STAU2: variants seen among roughly 807,000 people sequenced by gnomAD.
The protein encoded by STAU2 is staufen double-stranded RNA binding protein 2.
A neutral mutation model predicts 65.9 loss-of-function variants in STAU2; 20 were observed. The observed-to-expected ratio is 0.30, with a 90% CI of 0.21 to 0.44. STAU2 has a LOEUF of 0.44. Ranked by LOEUF, STAU2 falls within the 20% of genes least tolerant of loss-of-function variation. The probability of loss-of-function intolerance (pLI) is 1.00; values close to 1 mark genes in which losing one functional copy is unlikely to be tolerated. For missense variants in STAU2, 558 were observed against 683.9 expected, an observed-to-expected ratio of 0.82 and a Z score of 2.05; for synonymous variants, 232 against 233.9, an observed-to-expected ratio of 0.99 and a Z score of 0.07.
At position 73,483,233 on chromosome 8, in the gene STAU2, G is replaced by A. The variant is rs373530473; in HGVS notation, c.1531-60531C>T. 1.6e-4 allele frequency among the ~76,000 whole-genome samples: 24 copies of A among 152,064 alleles called. No homozygotes were observed. The East Asian group carries it at 3.1e-3, about 20-fold the overall frequency. On this transcript the variant is annotated intron_variant, in intron 13 of 14. Coordinates refer to ENST00000524300, the MANE Select transcript of STAU2 (RefSeq NM_001164380.2). The stretch of plus-strand genomic sequence containing the variant: ...AGGAATTTTAACAACATAACATTAA[G>A]GAGAAAAGAAGCTGTAAAATAAAAC...
chr8:73,624,778 A>G (rs1225985328), intron 6 of STAU2, among the ~76,000 whole-genome samples: 4 of 152,214 alleles, frequency 2.6e-5, no homozygotes, highest in Admixed American at 2.6e-4. Flanking sequence ...TGGGAATATC[A>G]AAGCAACTTA....
intron 6 of STAU2, among the ~76,000 whole-genome samples, chr8:73,667,634 G>A (rs373950446): frequency 5.9e-5 from 9 of 152,048 alleles, no homozygotes; most frequent in South Asian, 2.1e-4. Context: ...TAGCACCATC[G>A]GGGCACATCT....
At chr8:73,569,104 C>A (rs892171914) in intron 12 of STAU2, among the ~76,000 whole-genome samples, 1 of 152,216 alleles carries the variant, frequency 6.6e-6, no homozygotes, top group East Asian at 1.9e-4. Context: ...CAGGACACCG[C>A]CACCCTAATA....
At chr8:73,534,533 A>G (rs896327924) in intron 13 of STAU2, among the ~76,000 whole-genome samples, 1 of 152,252 alleles carries the variant, frequency 6.6e-6, no homozygotes, top group Non-Finnish European at 1.5e-5. Context: ...GAATTAATGT[A>G]TAAGTAAACA....
intron 3 of STAU2, among the ~76,000 whole-genome samples, chr8:73,728,431 T>C (rs951585806): frequency 2.9e-5 from 4 of 138,430 alleles, no homozygotes; most frequent in African/African-American, 5.5e-5. Flanking sequence ...TGCAATTCCA[T>C]ATGAATATGA....
At chr8:73,424,647 A>T (rs78731105) in intron 13 of STAU2, among the ~76,000 whole-genome samples, 1 of 152,058 alleles carries the variant, frequency 6.6e-6, no homozygotes, top group African/African-American at 2.4e-5. Context: ...TTTGGCAACT[A>T]TGAATAAAAC....
intron 9 of STAU2, among the ~76,000 whole-genome samples, chr8:73,611,654 T>G (rs1056484428): frequency 6.6e-6 from 1 of 150,416 alleles, no homozygotes; most frequent in African/African-American, 2.4e-5. Context: ...AACAGTTTAT[T>G]ATGATGATTA....
intron 4 of STAU2, among the ~76,000 whole-genome samples, chr8:73,689,164 G>A (rs1325941183): frequency 6.6e-6 from 1 of 152,152 alleles, no homozygotes; most frequent in African/African-American, 2.4e-5. Context: ...TGTAAGAGAA[G>A]CCAAAAGACC....
chr8:73,449,506 C>G (rs1487008197), intron 13 of STAU2, among the ~76,000 whole-genome samples: 1 of 152,088 alleles, frequency 6.6e-6, no homozygotes, highest in African/African-American at 2.4e-5. Context: ...GGGGTTAGGG[C>G]TTCAACGGAT....
At chr8:73,585,487 T>A (rs553562042) in intron 11 of STAU2, among the ~76,000 whole-genome samples, 1 of 152,204 alleles carries the variant, frequency 6.6e-6, no homozygotes, top group Non-Finnish European at 1.5e-5. Context: ...TCTCAAAACA[T>A]GTATATATTA....
At chr8:73,530,004 C>G (rs1165042358) in intron 13 of STAU2, among the ~76,000 whole-genome samples, 1 of 147,764 alleles carries the variant, frequency 6.8e-6, no homozygotes, top group Non-Finnish European at 1.5e-5. Flanking sequence ...ATTTCAAGTG[C>G]GTGCCTTTTG....
intron 13 of STAU2, among the ~76,000 whole-genome samples, chr8:73,537,767 G>A (rs1482007610): frequency 6.6e-6 from 1 of 152,198 alleles, no homozygotes; most frequent in African/African-American, 2.4e-5. Context: ...ATGAAAAAGA[G>A]TATGAATATT....
At chr8:73,474,185 A>G (rs1264829142) in intron 13 of STAU2, among the ~76,000 whole-genome samples, 2 of 152,232 alleles carry the variant, frequency 1.3e-5, no homozygotes, top group African/African-American at 4.8e-5. Flanking sequence ...AAACCTGGGA[A>G]GCTTGAAGAG....
intron 13 of STAU2, among the ~76,000 whole-genome samples, chr8:73,442,203 A>G (rs1260839595): frequency 6.6e-6 from 1 of 151,876 alleles, no homozygotes; most frequent in African/African-American, 2.4e-5. Flanking sequence ...AAATACAAAA[A>G]ATTAGCTGGG....
intron 5 of STAU2, among the ~76,000 whole-genome samples, chr8:73,677,268 G>A (rs1714639157): frequency 6.6e-6 from 1 of 152,226 alleles, no homozygotes; most frequent in Non-Finnish European, 1.5e-5. Context: ...CATACCGCTG[G>A]TGGGAAGGTA....
At chr8:73,708,506 A>G (rs1031950971) in intron 4 of STAU2, among the ~76,000 whole-genome samples, 3 of 152,216 alleles carry the variant, frequency 2.0e-5, no homozygotes, top group African/African-American at 7.2e-5. Context: ...AAAAAACAAT[A>G]TAAGTGAATG....
chr8:73,622,284 G>A (rs1012109787), intron 6 of STAU2, among the ~76,000 whole-genome samples: 3 of 107,486 alleles, frequency 2.8e-5, no homozygotes, highest in African/African-American at 4.8e-5. Flanking sequence ...CCGCCACCTC[G>A]CCCGGCTAAT....
chr8:73,562,964 T>G (rs1176222754), intron 12 of STAU2, among the ~76,000 whole-genome samples: 1 of 151,732 alleles, frequency 6.6e-6, no homozygotes, highest in Non-Finnish European at 1.5e-5. Flanking sequence ...ATTTTTAAAA[T>G]AATATATATA....
chr8:73,550,229 C>T, intron 13 of STAU2: 1 of 985,116 alleles, frequency 1.0e-6, no homozygotes, highest in Non-Finnish European at 1.2e-6. Context: ...ATAACGTGTC[C>T]ATAAAAAAGA....
Sources: allele counts gnomAD v4.1 joint callset (sites outside exome capture counted in the v4.1 genomes callset), GRCh38; gene constraint gnomAD v4.1.1; transcripts MANE v1.5; gene names NCBI Gene and HGNC (gene_info 2026-07-23, HGNC 2026-07-21).